SCN1A: variants seen among roughly 807,000 people sequenced by gnomAD.
SCN1A encodes sodium channel protein type 1 subunit alpha.
A neutral mutation model predicts 193.7 loss-of-function variants in SCN1A; 13 were observed. The observed-to-expected ratio is 0.07, with a 90% CI of 0.04 to 0.11. The LOEUF (loss-of-function observed/expected upper bound fraction) is 0.11. Among genes scored for constraint, SCN1A ranks in the 10% least tolerant of loss-of-function variants. The pLI is 1.00. For synonymous variants in SCN1A, 781 were observed against 843.6 expected (o/e 0.93, Z 1.29); for missense variants, 1,432 against 2,451.1 (o/e 0.58, Z 8.78).
intron 2 of SCN1A, among the ~76,000 whole-genome samples, chr2:166,113,636 T>C (rs530611907): frequency 6.6e-6 from 1 of 152,326 alleles, no homozygotes; most frequent in East Asian, 1.9e-4. Context: ...GATTACCCTC[T>C]GAGAATTAGA....
At chr2:166,128,863 A>C (rs1691511196), upstream of SCN1A, among the ~76,000 whole-genome samples, 1 of 150,612 alleles carries the variant, frequency 6.6e-6, no homozygotes, top group Non-Finnish European at 1.5e-5. Context: ...ATCCATGCCA[A>C]ACTAATTATA....
chr2:166,086,180 T>C (rs1686092702), intron 2 of SCN1A, among the ~76,000 whole-genome samples: 1 of 152,092 alleles, frequency 6.6e-6, no homozygotes, highest in Non-Finnish European at 1.5e-5. Flanking sequence ...CCTCCCTCAC[T>C]AACCACTATG....
At position 166,076,931 on chromosome 2, in the gene SCN1A, C is replaced by T. The variant is rs374579948; in HGVS notation, c.-50+779G>A. ...AAATGTAAAATGCAGAACTAAAAAA[C>T]TACTAGAAGATAATATTGGAGAAAA... On this transcript the variant is annotated intron_variant, in intron 3 of 28. Transcript: ENST00000674923. Among the ~76,000 whole-genome samples, 5 of 151,372 alleles carry T rather than the reference C, an allele frequency of 3.3e-5. No homozygotes were observed. In the East Asian group the frequency reaches 9.7e-4, roughly 29 times the overall value.
chr2:166,094,819 G>A (rs575166965), intron 2 of SCN1A, among the ~76,000 whole-genome samples: 54 of 93,408 alleles, frequency 5.8e-4, no homozygotes, highest in Non-Finnish European at 1.1e-3. Flanking sequence ...GAGATGGGCA[G>A]TGTGCTCCTT....
chr2:166,103,493 A>C (rs1422507017), intron 2 of SCN1A, among the ~76,000 whole-genome samples: 1 of 145,508 alleles, frequency 6.9e-6, no homozygotes, highest in African/African-American at 2.5e-5. Flanking sequence ...AAATAAATAA[A>C]TACTGAGGAA....
Position 165,992,307 on chromosome 2 carries a change from G to T in SCN1A, c.4968C>A (p.Ile1656=), listed in dbSNP as rs121917955. Reference sequence around the variant, plus strand: ...TCATCAAAGCAAAGAGCAGCGTGCGGATCCCCTTTGCTCCTTTGATCAGAC... The same window carrying T: ...TCATCAAAGCAAAGAGCAGCGTGCGTATCCCCTTTGCTCCTTTGATCAGAC... ...ILRLIKGAKG[I]RTLLFALMMS... The change falls in exon 29 of 29, where the codon ATC becomes ATA. Residue 1656 remains isoleucine (I), a synonymous_variant. Coordinates refer to ENST00000674923, the MANE Select transcript of SCN1A (RefSeq NM_001165963.4). This position sits in a 1 kb window ranked among gnomAD's most constrained non-coding sequence, Gnocchi z 6.5. The T allele has an allele frequency of 6.2e-7, 1 of 1,613,764 alleles. No homozygotes were observed. The highest frequency in any genetic ancestry group is 8.5e-7 in the Non-Finnish European group (1 of 1,179,854).
At chr2:166,013,128 A>G (rs185035357) in intron 21 of SCN1A, among the ~76,000 whole-genome samples, 8 of 151,430 alleles carry the variant, frequency 5.3e-5, no homozygotes, top group African/African-American at 1.7e-4. Flanking sequence ...TGTTTTATTT[A>G]TAGTTTTATA....
intron 16 of SCN1A, among the ~76,000 whole-genome samples, chr2:166,040,274 A>G (rs969114336): frequency 6.6e-6 from 1 of 152,126 alleles, no homozygotes; most frequent in Non-Finnish European, 1.5e-5. Flanking sequence ...CTTTTTGTCC[A>G]GACTTTATAT....
chr2:166,138,559 C>A (rs556579464), intron 1 of SCN1A, among the ~76,000 whole-genome samples: 6 of 152,312 alleles, frequency 3.9e-5, no homozygotes, highest in Non-Finnish European at 8.8e-5. Context: ...GCACAGAAGT[C>A]AAAAACTGGG....
intron 19 of SCN1A, among the ~76,000 whole-genome samples, chr2:166,033,691 A>C (rs1695937599): frequency 2.6e-5 from 4 of 152,174 alleles, no homozygotes; most frequent in Admixed American, 2.6e-4. Flanking sequence ...AACTACCTCT[A>C]GTGCTTCAGT....
chr2:166,039,649 A>G, intron 16 of SCN1A, 53 bp from the exon 17 acceptor site: 5 of 1,492,450 alleles, frequency 3.4e-6, no homozygotes, highest in Non-Finnish European at 4.7e-6. Context: ...CATACATGAC[A>G]TAAGATTTGC....
chr2:166,137,283 A>C (rs1679589996), intron 1 of SCN1A, among the ~76,000 whole-genome samples: 1 of 152,244 alleles, frequency 6.6e-6, no homozygotes, highest in Admixed American at 6.5e-5. Flanking sequence ...ATGAACAAAA[A>C]TCTTTATGAT....
rs545690224 is a variant in SCN1A at position 166,115,196 on chromosome 2, A to G, written c.-142+11728T>C. 3.1e-3 allele frequency among the ~76,000 whole-genome samples: 465 copies of G among 152,116 alleles called. 4 individuals are homozygous for G. The highest frequency in any genetic ancestry group is 0.011 in the African/African-American group (446 of 41,492). On this transcript the variant is annotated intron_variant, in intron 2 of 28. Coordinates refer to ENST00000674923, the MANE Select transcript of SCN1A (RefSeq NM_001165963.4). ...AACATGATGAAACCCCATCTCTACT[A>G]AAAATACAAAAAATTAGCTGGGCAT...
chr2:166,014,316 A>C (rs1574063321), intron 20 of SCN1A, among the ~76,000 whole-genome samples: 1 of 150,054 alleles, frequency 6.7e-6, no homozygotes, highest in Non-Finnish European at 1.5e-5. Context: ...ATCTCTTCCA[A>C]CAATGCTGCA....
intron 2 of SCN1A, chr2:166,123,703 G>A (rs1690896333): frequency 6.6e-6 from 1 of 152,018 alleles, no homozygotes; most frequent in Non-Finnish European, 1.5e-5. Context: ...GAAAATGACT[G>A]ATTTATGTTT....
chr2:166,035,094 T>G (rs1376093130), intron 19 of SCN1A, among the ~76,000 whole-genome samples: 2 of 152,210 alleles, frequency 1.3e-5, no homozygotes, highest in Non-Finnish European at 2.9e-5. Flanking sequence ...TTTCTTGTTG[T>G]TAAGTTCTCT....
At chr2:166,072,921 C>T (rs1411795329) in intron 4 of SCN1A, among the ~76,000 whole-genome samples, 2 of 150,804 alleles carry the variant, frequency 1.3e-5, no homozygotes, top group South Asian at 4.2e-4. Context: ...ACTGCAACCT[C>T]GGCCTCCAGG....
intron 19 of SCN1A, among the ~76,000 whole-genome samples, chr2:166,034,983 T>A (rs1028285510): frequency 3.3e-5 from 5 of 152,102 alleles, no homozygotes; most frequent in African/African-American, 1.2e-4. Flanking sequence ...GAAAATAAAT[T>A]TTGGTTGTTT....
intron 10 of SCN1A, among the ~76,000 whole-genome samples, chr2:166,048,441 A>G (rs1290222478): frequency 6.6e-6 from 1 of 152,106 alleles, no homozygotes. Flanking sequence ...CTTATAAGTG[A>G]GGACATGCGG....
Sources: gnomAD v4.1 joint callset for allele counts (sites outside exome capture counted in the v4.1 genomes callset) on GRCh38, gnomAD v4.1.1 for gene constraint, Gnocchi (gnomAD v3.1) non-coding constraint, MANE v1.5 for transcripts, NCBI Gene and HGNC (gene_info 2026-07-23, HGNC 2026-07-21) for gene names.